Variants in DLGAP3 observed in about 807,000 individuals in gnomAD.
DLGAP3 encodes disks large-associated protein 3.
Under a neutral mutation model 81.2 loss-of-function variants are expected in DLGAP3, and 17 were observed. The ratio of observed to expected loss-of-function variants is 0.21; its 90% CI spans 0.14 to 0.31. The LOEUF (loss-of-function observed/expected upper bound fraction) is 0.31. Ranked by LOEUF, DLGAP3 falls within the 10% of genes least tolerant of loss-of-function variation. The pLI is 1.00. For synonymous variants in DLGAP3, 577 were observed against 587.4 expected, an observed-to-expected ratio of 0.98 and a Z score of 0.26; for missense variants, 1,124 against 1,388.0, an observed-to-expected ratio of 0.81 and a Z score of 3.02.
At position 34,885,620 on chromosome 1, in the gene DLGAP3, C is replaced by T; in HGVS notation, c.1772G>A (p.Gly591Asp). 6.4e-7 allele frequency: 1 copy of T among 1,560,490 alleles called. No homozygotes were observed. Among genetic ancestry groups the T allele is most frequent in the Admixed American group, 1.9e-5 (1 of 53,252 alleles). Residue 591 changes from glycine to aspartate, a missense_variant, in exon 7 of 12, where the codon GGT (glycine) becomes GAT (aspartate). Gly to Asp is a moderately conservative substitution (Grantham distance 94). Around this residue, in one of 9 missense-constraint regions of DLGAP3, gnomAD observed 379 missense variants for 455.7 expected, o/e 0.83. Coordinates refer to ENST00000373347, the MANE Select transcript of DLGAP3 (RefSeq NM_001080418.3). The stretch of plus-strand genomic sequence containing the variant: ...CGGCGCCAACTCCAGTGTGCGCGCA[C>T]CCATGGCGGGGCCGTCCAGCCCGTC... ...SADGLDGPAM[G>D]ARTLELAPVP...
chr1:34,892,624 C>G (rs532084281), intron 5 of DLGAP3, among the ~76,000 whole-genome samples: 11 of 152,216 alleles, frequency 7.2e-5, no homozygotes, highest in African/African-American at 2.6e-4. Context: ...CTAAAGCAAT[C>G]CTACTGCCTC....
At position 34,867,645 on chromosome 1, in the gene DLGAP3, A is replaced by T. The variant is rs1426596704; in HGVS notation, c.2486-18T>A. ...CTCCAGGACTAGAAAGCAGAAGGAA[A>T]TTCAGGGAGGGAAATGATGCATCTC... On this transcript the variant is annotated intron_variant, in intron 9 of 11. Coordinates refer to ENST00000373347, the MANE Select transcript of DLGAP3 (RefSeq NM_001080418.3). The surrounding 1 kb of genome is among the most constrained non-coding windows in gnomAD (Gnocchi z 4.3). The T allele has an allele frequency of 6.3e-7, 1 of 1,596,730 alleles. No individual in the cohort carries two copies. Among genetic ancestry groups the T allele is most frequent in the Admixed American group, 1.7e-5 (1 of 60,002 alleles).
chr1:34,880,882 A>G (rs1639134284), intron 8 of DLGAP3, among the ~76,000 whole-genome samples: 1 of 152,218 alleles, frequency 6.6e-6, no homozygotes, highest in Non-Finnish European at 1.5e-5. Flanking sequence ...GAATAGGTCA[A>G]TAATCACTAA....
chr1:34,903,218 C>G (rs1363342465), intron 3 of DLGAP3, among the ~76,000 whole-genome samples: 1 of 152,190 alleles, frequency 6.6e-6, no homozygotes, highest in Admixed American at 6.5e-5. Context: ...GGGGACATTC[C>G]TCACCCAGGT....
chr1:34,926,337 G>A (rs2148422911), intron 1 of DLGAP3, among the ~76,000 whole-genome samples: 1 of 152,272 alleles, frequency 6.6e-6, no homozygotes, highest in East Asian at 1.9e-4. Context: ...TATTAGCAAT[G>A]ATGAGCTGGC....
intron 1 of DLGAP3, among the ~76,000 whole-genome samples, chr1:34,918,925 C>T (rs533316311): frequency 6.6e-6 from 1 of 152,172 alleles, no homozygotes; most frequent in African/African-American, 2.4e-5. Flanking sequence ...GGCTTCCACC[C>T]GCAGGACCCT....
chr1:34,872,714 CAAG>C (rs1305403235), intron 8 of DLGAP3, among the ~76,000 whole-genome samples: 4 of 152,188 alleles, frequency 2.6e-5, no homozygotes, highest in Non-Finnish European at 5.9e-5. Flanking sequence ...ATGACAGAAT[CAAG>C]GTTGGAATAA....
chr1:34,922,212 C>A (rs1639806594), intron 1 of DLGAP3, among the ~76,000 whole-genome samples: 1 of 152,170 alleles, frequency 6.6e-6, no homozygotes, highest in Admixed American at 6.5e-5. Flanking sequence ...TTTCCCTCCA[C>A]AAACTTCTTT....
chr1:34,897,505 G>A lies in DLGAP3; in HGVS notation c.1386+2164C>T, dbSNP rs570299105. Among the ~76,000 whole-genome samples, 7 of 152,322 alleles carry A rather than the reference G, an allele frequency of 4.6e-5. No homozygotes were observed. In the South Asian group the frequency reaches 1.4e-3, roughly 32 times the overall value. On this transcript the variant is annotated intron_variant, in intron 5 of 11. Transcript: ENST00000373347. ...CCCTAGGGAGTCTAGTGTGGCTGGAGTGGGAGGGAGGGGAACAGCCTTAGG... is the reference window on the plus strand; with the variant it reads ...CCCTAGGGAGTCTAGTGTGGCTGGAATGGGAGGGAGGGGAACAGCCTTAGG...
chr1:34,917,873 G>A (rs1483211490), intron 1 of DLGAP3, among the ~76,000 whole-genome samples: 1 of 152,198 alleles, frequency 6.6e-6, no homozygotes, highest in African/African-American at 2.4e-5. Flanking sequence ...CCTTCTCTCT[G>A]GGGTTGGCCA....
At chr1:34,914,121 C>T (rs996650589) in intron 1 of DLGAP3, among the ~76,000 whole-genome samples, 2 of 152,206 alleles carry the variant, frequency 1.3e-5, no homozygotes, top group African/African-American at 4.8e-5. Flanking sequence ...TCTCTTCACT[C>T]AGACTTGCTG....
intron 8 of DLGAP3, among the ~76,000 whole-genome samples, chr1:34,882,422 G>A (rs1639160282): frequency 6.6e-6 from 1 of 152,076 alleles, no homozygotes; most frequent in African/African-American, 2.4e-5. Context: ...AGGTTGCAGT[G>A]AGCCGAGATC....
chr1:34,924,303 G>A (rs1639836257), intron 1 of DLGAP3, among the ~76,000 whole-genome samples: 1 of 151,990 alleles, frequency 6.6e-6, no homozygotes, highest in South Asian at 2.1e-4. Flanking sequence ...CCTGTCTCCA[G>A]TAGCCTCCCC....
chr1:34,910,842 C>T (rs913521277), intron 1 of DLGAP3, among the ~76,000 whole-genome samples: 10 of 152,164 alleles, frequency 6.6e-5, no homozygotes, highest in Non-Finnish European at 1.2e-4. Context: ...AGAATGTAAG[C>T]TCCACATAAG....
intron 5 of DLGAP3, among the ~76,000 whole-genome samples, chr1:34,887,540 T>C (rs1477120343): frequency 1.3e-5 from 2 of 152,030 alleles, no homozygotes; most frequent in Admixed American, 1.3e-4. Flanking sequence ...AAGAGAGAAC[T>C]GGTGCAAAGA....
chr1:34,899,738 G>A lies in DLGAP3; in HGVS notation c.1317C>T (p.Cys439=). ...GGGGGTGGATCCGGGGTGGGACACAGCAGCTGGAAAAGGGCAAAATTCCGG... is the reference window on the plus strand; with the variant it reads ...GGGGGTGGATCCGGGGTGGGACACAACAGCTGGAAAAGGGCAAAATTCCGG... The part of the protein sequence containing the change: ...SSSVDQARIN[C]CVPPRIHPRS... The change falls in exon 5 of 12, where the codon TGC becomes TGT. Residue 439 remains cysteine, a synonymous_variant. Transcript: ENST00000373347. The A allele has an allele frequency of 6.2e-7, 1 of 1,613,950 alleles. No homozygotes were observed. Among genetic ancestry groups the A allele is most frequent in the Non-Finnish European group, 8.5e-7 (1 of 1,179,924 alleles).
intron 1 of DLGAP3, among the ~76,000 whole-genome samples, chr1:34,917,235 C>G (rs1322326773): frequency 6.6e-6 from 1 of 152,168 alleles, no homozygotes; most frequent in African/African-American, 2.4e-5. Flanking sequence ...TACGCAGCAC[C>G]TGACCTCATC....
rs367984704 is a variant in DLGAP3 at position 34,868,939 on chromosome 1, C to T, written c.2151G>A (p.Gln717=). The T allele has an allele frequency of 3.9e-5, 62 of 1,609,842 alleles. No homozygotes were observed. In the African/African-American group the frequency reaches 7.9e-4, roughly 20 times the overall value. ...AGTAGGTGGGGGCCCGGGGCCCAGG[C>T]TGGGGCTCAGAGGCGTGCCTCTGGA... is the stretch of plus-strand genomic sequence containing the variant. ...RSFQRHASEP[Q]PGPRAPTYSV... is the part of the protein sequence containing the mutation. The change falls in exon 9 of 12, where the codon CAG becomes CAA. Residue 717 remains glutamine, a synonymous_variant. Transcript: ENST00000373347. The surrounding 1 kb of genome is among the most constrained non-coding windows in gnomAD (Gnocchi z 7.5).
chr1:34,886,425 C>T (rs1024175418), intron 5 of DLGAP3, 140 bp from the exon 6 acceptor site: 1 of 847,390 alleles, frequency 1.2e-6, no homozygotes, highest in East Asian at 2.7e-5. Context: ...CTAAAAGAAA[C>T]TCTAACTCTT....
Sources: gnomAD v4.1 joint callset for allele counts (sites outside exome capture counted in the v4.1 genomes callset) on GRCh38, gnomAD v4.1.1 for gene constraint, gnomAD v4.1.1 regional missense constraint, Gnocchi (gnomAD v3.1) non-coding constraint, MANE v1.5 for transcripts, NCBI Gene and HGNC (gene_info 2026-07-23, HGNC 2026-07-21) for gene names.